The following TAFA1 variants were observed in gnomAD, a reference collection of about 807,000 sequenced individuals.
The protein encoded by TAFA1 is TAFA chemokine like family member 1.
Under a neutral mutation model 18.5 loss-of-function variants are expected in TAFA1, and 4 were observed. The ratio of observed to expected loss-of-function variants is 0.22; its 90% CI spans 0.11 to 0.49. The LOEUF (loss-of-function observed/expected upper bound fraction) is 0.49, where lower values mean the gene tolerates loss of function less well. Among genes scored for constraint, TAFA1 ranks in the 20% least tolerant of loss-of-function variants. The pLI is 0.98. For missense variants in TAFA1, 147 were observed against 169.0 expected, an observed-to-expected ratio of 0.87 and a Z score of 0.72; for synonymous variants, 56 against 55.2, an observed-to-expected ratio of 1.01 and a Z score of -0.06.
At chr3:68,435,093 T>C (rs2071247028) in intron 3 of TAFA1, among the ~76,000 whole-genome samples, 1 of 152,092 alleles carries the variant, frequency 6.6e-6, no homozygotes, top group Non-Finnish European at 1.5e-5. Flanking sequence ...GAGCAGAGGT[T>C]AGGGTGTTAA....
intron 2 of TAFA1, among the ~76,000 whole-genome samples, chr3:68,142,205 A>T (rs1231504898): frequency 2.0e-5 from 3 of 152,228 alleles, no homozygotes; most frequent in Non-Finnish European, 4.4e-5. Context: ...TTTGTTTCTC[A>T]TTCAAGCTTC....
At chr3:68,115,598 CTAAGGTGCTCCT>C (rs914182451) in intron 2 of TAFA1, among the ~76,000 whole-genome samples, 9 of 152,156 alleles carry the variant, frequency 5.9e-5, no homozygotes, top group African/African-American at 2.2e-4. Context: ...CCCACATTAG[CTAAGGTGCTCCT>C]TAGAGTGCTT....
chr3:68,501,677 G>T (rs1467015084), intron 3 of TAFA1, among the ~76,000 whole-genome samples: 3 of 152,150 alleles, frequency 2.0e-5, no homozygotes, highest in Non-Finnish European at 4.4e-5. Context: ...CAAAACTGTG[G>T]TCAGTGGATA....
At chr3:68,438,235 A>G (rs146477622) in intron 3 of TAFA1, among the ~76,000 whole-genome samples, 97 of 152,162 alleles carry the variant, frequency 6.4e-4, no homozygotes, top group South Asian at 3.5e-3. Context: ...GCACATGTCA[A>G]TAGCCCCAAC....
chr3:68,535,153 A>T (rs2073256518), intron 3 of TAFA1, among the ~76,000 whole-genome samples: 1 of 152,104 alleles, frequency 6.6e-6, no homozygotes, highest in Non-Finnish European at 1.5e-5. Context: ...CCCAAAGGAA[A>T]CTTCAGATTA....
chr3:68,434,355 T>A (rs1449841607), intron 3 of TAFA1, among the ~76,000 whole-genome samples: 1 of 152,088 alleles, frequency 6.6e-6, no homozygotes, highest in Non-Finnish European at 1.5e-5. Context: ...AGCAATGAGC[T>A]TGTTACAAGC....
intron 2 of TAFA1, among the ~76,000 whole-genome samples, chr3:68,109,937 A>G (rs994911137): frequency 1.3e-5 from 2 of 152,134 alleles, no homozygotes; most frequent in Non-Finnish European, 2.9e-5. Flanking sequence ...GATTCATGTG[A>G]TTATGTGGCC....
At chr3:68,475,151 T>C (rs1189564107) in intron 3 of TAFA1, among the ~76,000 whole-genome samples, 1 of 151,992 alleles carries the variant, frequency 6.6e-6, no homozygotes, top group Non-Finnish European at 1.5e-5. Flanking sequence ...TTTTTTTTAA[T>C]CTCTTTTTTA....
At chr3:68,134,876 G>A (rs915225102) in intron 2 of TAFA1, among the ~76,000 whole-genome samples, 1 of 152,106 alleles carries the variant, frequency 6.6e-6, no homozygotes, top group Admixed American at 6.5e-5. Flanking sequence ...ACTAGTTTTG[G>A]CTTCATTTAA....
intron 3 of TAFA1, among the ~76,000 whole-genome samples, chr3:68,454,881 TATAC>T (rs753859031): frequency 2.0e-5 from 3 of 152,196 alleles, no homozygotes; most frequent in Non-Finnish European, 4.4e-5. Flanking sequence ...CAAATAAATG[TATAC>T]AGTTGACTCC....
intron 2 of TAFA1, among the ~76,000 whole-genome samples, chr3:68,311,898 G>A (rs2068526373): frequency 6.6e-6 from 1 of 152,218 alleles, no homozygotes; most frequent in South Asian, 2.1e-4. Context: ...CCTAGCAGAG[G>A]TTCTCCATGA....
intron 2 of TAFA1, among the ~76,000 whole-genome samples, chr3:68,286,585 A>G (rs921613929): frequency 1.3e-5 from 2 of 152,162 alleles, no homozygotes; most frequent in Non-Finnish European, 2.9e-5. Flanking sequence ...GAGAGGAGGA[A>G]AAACACCCAA....
At chr3:68,163,179 A>T (rs980393381) in intron 2 of TAFA1, among the ~76,000 whole-genome samples, 9 of 152,216 alleles carry the variant, frequency 5.9e-5, no homozygotes, top group African/African-American at 2.2e-4. Flanking sequence ...TCTTTTCTAC[A>T]TATTAATCAT....
intron 2 of TAFA1, among the ~76,000 whole-genome samples, chr3:68,333,421 A>G (rs2068914800): frequency 6.6e-6 from 1 of 152,180 alleles, no homozygotes; most frequent in African/African-American, 2.4e-5. Flanking sequence ...CATAAGTAGG[A>G]GCTAAACACA....
chr3:68,174,533 T>A (rs1176850295), intron 2 of TAFA1, among the ~76,000 whole-genome samples: 1 of 152,218 alleles, frequency 6.6e-6, no homozygotes, highest in Non-Finnish European at 1.5e-5. Context: ...ACATTTGTTA[T>A]GTTTTAGCAG....
intron 2 of TAFA1, among the ~76,000 whole-genome samples, chr3:68,155,016 A>G (rs1441178644): frequency 6.6e-6 from 1 of 152,216 alleles, no homozygotes; most frequent in Non-Finnish European, 1.5e-5. Flanking sequence ...ATGCCTTATC[A>G]ACAACCCAGT....
At chr3:68,442,503 A>G (rs147655384) in intron 3 of TAFA1, among the ~76,000 whole-genome samples, 2 of 152,272 alleles carry the variant, frequency 1.3e-5, no homozygotes, top group African/African-American at 2.4e-5. Flanking sequence ...AAGTTTTAGC[A>G]TGAGTTTTGG....
intron 3 of TAFA1, among the ~76,000 whole-genome samples, chr3:68,478,750 G>T (rs73092849): frequency 6.6e-6 from 1 of 151,574 alleles, no homozygotes; most frequent in Admixed American, 6.6e-5. Context: ...ATCAAAAAAT[G>T]TTATTTAAAT....
intron 2 of TAFA1, among the ~76,000 whole-genome samples, chr3:68,038,215 G>GA (rs1236650349): frequency 6.6e-6 from 1 of 152,136 alleles, no homozygotes; most frequent in Non-Finnish European, 1.5e-5. Flanking sequence ...CAATGAGTCT[G>GA]AAAAATCTTC....
Sources: allele counts gnomAD v4.1 joint callset (sites outside exome capture counted in the v4.1 genomes callset), GRCh38; gene constraint gnomAD v4.1.1; transcripts MANE v1.5; gene names NCBI Gene and HGNC (gene_info 2026-07-23, HGNC 2026-07-21).